Variants in COL21A1 observed in about 807,000 individuals in gnomAD.
COL21A1 encodes the protein collagen type XXI alpha 1 chain.
A neutral mutation model predicts 137.9 loss-of-function variants in COL21A1; 149 were observed. The ratio of observed to expected loss-of-function variants is 1.08; its 90% CI spans 0.95 to 1.24. The LOEUF (loss-of-function observed/expected upper bound fraction) is 1.24. Ranked by LOEUF, COL21A1 falls within the 50% of genes most tolerant of loss-of-function variation. The pLI is 0.00. For missense variants in COL21A1, 1,167 were observed against 1,158.4 expected, an observed-to-expected ratio of 1.01 and a Z score of -0.11; for synonymous variants, 456 against 391.5, an observed-to-expected ratio of 1.16 and a Z score of -1.95.
chr6:56,060,514 A>C (rs984437069), intron 27 of COL21A1: 5 of 486,082 alleles, frequency 1.0e-5, no homozygotes, highest in African/African-American at 1.0e-4. Context: ...GCTACAAAAG[A>C]AAATTCAAAT....
chr6:56,074,618 A>G (rs898663354), intron 19 of COL21A1, among the ~76,000 whole-genome samples: 2 of 151,360 alleles, frequency 1.3e-5, no homozygotes, highest in Non-Finnish European at 3.0e-5. Context: ...TAGGATGGCT[A>G]AAATTAGGTG....
At chr6:56,181,003 C>A (rs1167330901) in intron 2 of COL21A1, among the ~76,000 whole-genome samples, 1 of 152,174 alleles carries the variant, frequency 6.6e-6, no homozygotes, top group Non-Finnish European at 1.5e-5. Flanking sequence ...GTTTCAGATC[C>A]CTGATTGCCT....
In COL21A1 at chr6:56,310,355, T is replaced by A. The variant is rs556712374; in HGVS notation, c.-39+83616A>T. 3.3e-5 allele frequency among the ~76,000 whole-genome samples: 5 copies of A among 152,292 alleles called. No homozygotes were observed. In the East Asian group the frequency reaches 9.6e-4, roughly 29 times the overall value. ...ACATTGGAACCTACTAGGGAGTTTTTAAAAACACTAATGCCAAACTCCTCA... is the reference window on the plus strand; with the variant it reads ...ACATTGGAACCTACTAGGGAGTTTTAAAAAACACTAATGCCAAACTCCTCA... On this transcript the variant is annotated intron_variant, in intron 1 of 28. Transcript: ENST00000370819.
At chr6:56,306,155 C>A (rs1764445605) in intron 1 of COL21A1, among the ~76,000 whole-genome samples, 1 of 129,652 alleles carries the variant, frequency 7.7e-6, no homozygotes, top group Non-Finnish European at 1.7e-5. Context: ...TCTTTGGCTG[C>A]CCTTAACATT....
At chr6:56,069,175 C>A in intron 21 of COL21A1, 58 bp from the exon 22 acceptor site, 1 of 1,097,008 alleles carries the variant, frequency 9.1e-7, no homozygotes, top group Non-Finnish European at 1.3e-6. Context: ...AAAAGCACCA[C>A]TGTTTTTATC....
chr6:56,180,904 T>C (rs928133832), intron 2 of COL21A1, among the ~76,000 whole-genome samples: 1 of 152,238 alleles, frequency 6.6e-6, no homozygotes, highest in Non-Finnish European at 1.5e-5. Flanking sequence ...GTTTATCTTT[T>C]AGTCTGTGTC....
chr6:56,295,821 G>C (rs1764152388), intron 1 of COL21A1, among the ~76,000 whole-genome samples: 1 of 151,882 alleles, frequency 6.6e-6, no homozygotes, highest in African/African-American at 2.4e-5. Flanking sequence ...TTGCTTATTA[G>C]TATTAGGATT....
intron 17 of COL21A1, among the ~76,000 whole-genome samples, chr6:56,097,679 T>C (rs961202988): frequency 4.7e-5 from 7 of 147,558 alleles, no homozygotes; most frequent in Admixed American, 1.4e-4. Flanking sequence ...CAGTGTCTGC[T>C]TGGCGATAAA....
At chr6:56,088,291 G>A (rs535919698) in intron 17 of COL21A1, among the ~76,000 whole-genome samples, 1 of 152,156 alleles carries the variant, frequency 6.6e-6, no homozygotes, top group South Asian at 2.1e-4. Flanking sequence ...TTGACCCCGG[G>A]AGGTGGAGGT....
intron 1 of COL21A1, among the ~76,000 whole-genome samples, chr6:56,246,782 A>C (rs537415527): frequency 6.6e-6 from 1 of 152,336 alleles, no homozygotes; most frequent in South Asian, 2.1e-4. Context: ...GATGCCACAC[A>C]GCGAATCACT....
chr6:56,327,915 G>A lies in COL21A1; in HGVS notation c.-39+66056C>T, dbSNP rs1765132566. Among the ~76,000 whole-genome samples, 3 of 152,038 alleles carry A rather than the reference G, an allele frequency of 2.0e-5. No individual in the cohort carries two copies. The South Asian group carries it at 6.2e-4, about 32-fold the overall frequency. On this transcript the variant is annotated intron_variant, in intron 1 of 28. Transcript: ENST00000370819. ...TGGGACTAACCCAGCACCTGCAGCT[G>A]AGAAAAGTCACTCTGAGAAATGGTT...
Position 56,061,055 on chromosome 6 carries a change from C to A in COL21A1, c.2206-18G>T, listed in dbSNP as rs1053452175. ...TCACCTCTCTAAAAGCAAAAGAAAT[C>A]TTTACAAGTTCTATTTAAATATTTC... On this transcript the variant is annotated intron_variant, in intron 25 of 29. Coordinates refer to ENST00000244728, the MANE Select transcript of COL21A1 (RefSeq NM_030820.4). The A allele has an allele frequency of 3.2e-6, 5 of 1,564,370 alleles. No homozygotes were observed. The highest frequency in any genetic ancestry group is 4.3e-6 in the Non-Finnish European group (5 of 1,162,518).
chr6:56,272,354 T>C lies in COL21A1; in HGVS notation c.-38-89698A>G, dbSNP rs547540599. Among the ~76,000 whole-genome samples, 3 of 152,258 alleles carry C rather than the reference T, an allele frequency of 2.0e-5. No homozygotes were observed. The South Asian group carries it at 6.2e-4, about 32-fold the overall frequency. On this transcript the variant is annotated intron_variant, in intron 1 of 28. Transcript: ENST00000370819. The stretch of plus-strand genomic sequence containing the variant: ...TTGAATGGAGCCTGTGGCCCTTTTG[T>C]TTTGGAGTGGAAACATTTACCCAAT...
chr6:56,360,921 GAAAC>G (rs1055251945), intron 1 of COL21A1, among the ~76,000 whole-genome samples: 3 of 152,122 alleles, frequency 2.0e-5, no homozygotes, highest in African/African-American at 7.2e-5. Flanking sequence ...CCATCATGGG[GAAAC>G]TCCGTCTCTA....
intron 10 of COL21A1, among the ~76,000 whole-genome samples, chr6:56,148,351 A>AGAGAGAGAGAGAGAGAGAGAGAGT: frequency 6.8e-6 from 1 of 146,352 alleles, no homozygotes; most frequent in Non-Finnish European, 1.5e-5. Flanking sequence ...AGAGAGAGAG[A>AGAGAGAGAGAGAGAGAGAGAGAGT]GAGAGAGAGA....
chr6:56,179,511 A>T, intron 3 of COL21A1, 67 bp downstream of exon 3: 1 of 1,168,446 alleles, frequency 8.6e-7, no homozygotes, highest in Non-Finnish European at 1.2e-6. Context: ...TGAAGAAATT[A>T]TATCAAAATG....
At chr6:56,176,935 AAGG>A (rs1457493610) in intron 3 of COL21A1, among the ~76,000 whole-genome samples, 1 of 138,792 alleles carries the variant, frequency 7.2e-6, no homozygotes, top group Non-Finnish European at 1.6e-5. Context: ...GGGGAGGAGG[AAGG>A]AGGAGGAGGG....
intron 12 of COL21A1, among the ~76,000 whole-genome samples, chr6:56,130,165 TTATA>T (rs201644225): frequency 9.8e-4 from 106 of 107,898 alleles, no homozygotes; most frequent in African/African-American, 2.2e-3. Flanking sequence ...TGACAGGGTT[TTATA>T]TATATATATA....
At chr6:56,230,597 T>A (rs1479457312) in intron 1 of COL21A1, among the ~76,000 whole-genome samples, 1 of 151,890 alleles carries the variant, frequency 6.6e-6, no homozygotes, top group Non-Finnish European at 1.5e-5. Context: ...TTTTATAAGG[T>A]GATGATTTTT....
Sources: allele counts gnomAD v4.1 joint callset (sites outside exome capture counted in the v4.1 genomes callset), GRCh38; gene constraint gnomAD v4.1.1; transcripts MANE v1.5; gene names NCBI Gene and HGNC (gene_info 2026-07-23, HGNC 2026-07-21).